The following CCR7 variants were observed in gnomAD, a reference collection of about 807,000 sequenced individuals.
The protein encoded by CCR7 is C-C motif chemokine receptor 7.
Under a neutral mutation model 26.0 loss-of-function variants are expected in CCR7, and 11 were observed. The observed-to-expected ratio is 0.42, with a 90% CI of 0.27 to 0.70. The LOEUF is 0.70. Ranked by LOEUF, CCR7 falls within the 30% of genes least tolerant of loss-of-function variation. The pLI is 0.23. For missense variants in CCR7, 360 were observed against 504.0 expected, an observed-to-expected ratio of 0.71 and a Z score of 2.74; for synonymous variants, 189 against 202.1, an observed-to-expected ratio of 0.94 and a Z score of 0.55.
At chr17:40,564,912 T>G (rs1412641787) in intron 1 of CCR7, among the ~76,000 whole-genome samples, 7 of 152,160 alleles carry the variant, frequency 4.6e-5, no homozygotes, top group Non-Finnish European at 1.5e-5. Context: ...CATTTGCATC[T>G]CCTCATGACC....
At chr17:40,557,317 C>T (rs557893227) in intron 2 of CCR7, among the ~76,000 whole-genome samples, 4 of 152,324 alleles carry the variant, frequency 2.6e-5, no homozygotes, top group South Asian at 2.1e-4. Flanking sequence ...ACCTGCCTCA[C>T]GAGGCTCATG....
chr17:40,563,658 C>T (rs1324510903), intron 1 of CCR7, among the ~76,000 whole-genome samples: 2 of 152,126 alleles, frequency 1.3e-5, no homozygotes, highest in Non-Finnish European at 2.9e-5. Flanking sequence ...AGCTTGTCAG[C>T]GGCTTCCCCT....
rs1158533158 is a variant in CCR7 at position 40,555,540 on chromosome 17, G to A, written c.339C>T (p.Phe113=). The change falls in exon 3 of 3, where the codon TTC becomes TTT. Residue 113 remains phenylalanine (F), a synonymous_variant. Transcript: ENST00000246657. This position sits in a 1 kb window ranked among gnomAD's most constrained non-coding sequence, Gnocchi z 5.6. ...ADILFLLTLP[F]WAYSAAKSWV... The stretch of plus-strand genomic sequence containing the variant: ...AGGACTTGGCCGCGCTGTAGGCCCA[G>A]AAGGGAAGGGTCAGGAGGAAGAGGA... The A allele has an allele frequency of 6.2e-7, 1 of 1,614,142 alleles. No homozygotes were observed. The highest frequency in any genetic ancestry group is 1.1e-5 in the South Asian group (1 of 91,072).
chr17:40,555,492 G>A lies in CCR7; in HGVS notation c.387C>T (p.Cys129=), dbSNP rs755221751. ...AKSWVFGVHF[C]KLIFAIYKMS... ...TCTTGTAGATGGCAAAGATGAGCTT[G>A]CAAAAGTGGACACCGAAGACCCAGG... Residue 129 remains cysteine (C), a synonymous_variant, in exon 3 of 3, where the codon TGC becomes TGT. Coordinates refer to ENST00000246657, the MANE Select transcript of CCR7 (RefSeq NM_001838.4). This position sits in a 1 kb window ranked among gnomAD's most constrained non-coding sequence, Gnocchi z 5.6. 1 of 1,614,026 alleles carries A rather than the reference G, an allele frequency of 6.2e-7. No homozygotes were observed. Among genetic ancestry groups the A allele is most frequent in the Non-Finnish European group, 8.5e-7 (1 of 1,180,032 alleles).
intron 1 of CCR7, among the ~76,000 whole-genome samples, chr17:40,561,907 G>A (rs1190380138): frequency 6.6e-6 from 1 of 152,148 alleles, no homozygotes; most frequent in African/African-American, 2.4e-5. Flanking sequence ...GAGCCTGGTA[G>A]ACCTTGCATT....
chr17:40,564,277 TCA>T (rs1410841050), intron 1 of CCR7, among the ~76,000 whole-genome samples: 2 of 152,218 alleles, frequency 1.3e-5, no homozygotes, highest in Non-Finnish European at 2.9e-5. Flanking sequence ...TTTCAGGAGT[TCA>T]CAGTCAGTGG....
In CCR7 at chr17:40,555,780, GAT is replaced by G. The variant is rs2036580731; in HGVS notation, c.97_98del (p.Ile33ArgfsTer24). ...TGTAGTCCACTGTGGTGTTGTCTCC[GAT>G]GTAATCGTCCGTGACCTCATCTTGA... ...LCQDEVTDDY[I>X]GDNTTVDYTL... On this transcript the variant is annotated frameshift_variant, in exon 3 of 3. Transcript: ENST00000246657. LOFTEE classifies it high-confidence loss of function. This position sits in a 1 kb window ranked among gnomAD's most constrained non-coding sequence, Gnocchi z 5.6. The G allele has an allele frequency of 6.2e-7, 1 of 1,613,958 alleles. No homozygotes were observed. The highest frequency in any genetic ancestry group is 1.7e-5 in the Admixed American group (1 of 59,992).
In CCR7 at chr17:40,558,949, G is replaced by C. The variant is rs2036623802; in HGVS notation, c.11-7C>G. ...ACGCTTTTCATTGGTTTCCCTGTAG[G>C]AGACAAGGCGAGAAAGTTATTGCTT... On this transcript the variant is annotated splice_polypyrimidine_tract_variant and splice_region_variant and intron_variant, in intron 1 of 2. Transcript: ENST00000246657. The C allele has an allele frequency of 1.9e-6, 3 of 1,606,936 alleles. No homozygotes were observed. The highest frequency in any genetic ancestry group is 1.7e-4 in the Middle Eastern group (1 of 6,020).
At chr17:40,564,744 G>T (rs1318969532) in intron 1 of CCR7, among the ~76,000 whole-genome samples, 1 of 152,202 alleles carries the variant, frequency 6.6e-6, no homozygotes. Flanking sequence ...CAAGCTGAGT[G>T]CCCCTTGCCA....
chr17:40,556,065 C>T (rs1017181609), intron 2 of CCR7, among the ~76,000 whole-genome samples: 12 of 152,034 alleles, frequency 7.9e-5, no homozygotes, highest in Admixed American at 2.6e-4. Context: ...TGCCACCACA[C>T]CCAGCGAATT....
At chr17:40,564,255 C>G (rs917755661) in intron 1 of CCR7, among the ~76,000 whole-genome samples, 1 of 152,210 alleles carries the variant, frequency 6.6e-6, no homozygotes, top group Non-Finnish European at 1.5e-5. Flanking sequence ...CCTCAAAGCA[C>G]CTGAACCTGC....
chr17:40,561,776 A>C (rs1342595593), intron 1 of CCR7, among the ~76,000 whole-genome samples: 1 of 152,040 alleles, frequency 6.6e-6, no homozygotes, highest in Non-Finnish European at 1.5e-5. Context: ...TCACCTGCCA[A>C]CACAACTTTT....
intron 1 of CCR7, chr17:40,560,615 T>C (rs1423843621): frequency 6.6e-6 from 1 of 152,192 alleles, no homozygotes; most frequent in Non-Finnish European, 1.5e-5. Context: ...GAGCAAATAG[T>C]CCTGCACACT....
intron 2 of CCR7, among the ~76,000 whole-genome samples, chr17:40,557,495 C>G (rs1176211452): frequency 6.6e-6 from 1 of 152,238 alleles, no homozygotes. Context: ...TGTCCAGGAG[C>G]CTTTTCTTTG....
intron 2 of CCR7, 104 bp downstream of exon 2, chr17:40,558,777 CGGGCTTATGTCT>C: frequency 2.4e-6 from 2 of 839,514 alleles, no homozygotes; most frequent in Non-Finnish European, 4.0e-6. Flanking sequence ...GAGTGGCAGG[CGGGCTTATGTCT>C]GGGTCTTGTA....
Position 40,555,168 on chromosome 17 carries a change from C to T in CCR7, c.711G>A (p.Leu237=). The part of the protein sequence containing the change: ...QMVIGFLVPL[L]AMSFCYLVII... Reference sequence around the variant, plus strand: ...TGACAAGGTAACAGAAGCTCATGGCCAGCAGGGGGACCAGAAAGCCGATCA... The same window carrying T: ...TGACAAGGTAACAGAAGCTCATGGCTAGCAGGGGGACCAGAAAGCCGATCA... The change falls in exon 3 of 3, where the codon CTG becomes CTA. Residue 237 remains leucine, a synonymous_variant. Coordinates refer to ENST00000246657, the MANE Select transcript of CCR7 (RefSeq NM_001838.4). The surrounding 1 kb of genome is among the most constrained non-coding windows in gnomAD (Gnocchi z 5.6). 1 of 1,614,142 alleles carries T rather than the reference C, an allele frequency of 6.2e-7. No homozygotes were observed. The highest frequency in any genetic ancestry group is 8.5e-7 in the Non-Finnish European group (1 of 1,180,020).
In CCR7 at chr17:40,554,992, C is replaced by G. The variant is rs140869107; in HGVS notation, c.887G>C (p.Ser296Thr). The G allele has an allele frequency of 6.2e-6, 10 of 1,614,080 alleles. No homozygotes were observed. Among genetic ancestry groups the G allele is most frequent in the South Asian group, 2.2e-5 (2 of 91,086 alleles). The change falls in exon 3 of 3, where the codon AGC becomes ACC. Residue 296 changes from serine to threonine, a missense_variant. Ser to Thr is a moderately conservative substitution (Grantham distance 58). Transcript: ENST00000246657. ...GAGTTGCTTACTGAGCTCACAGGTG[C>G]TACTGGTGATGTTGAAGTTGGCCAC... is the stretch of plus-strand genomic sequence containing the variant. ...QTVANFNITS[S>T]TCELSKQLNI... is the part of the protein sequence containing the mutation.
rs114637702 is a variant in CCR7, at chr17:40,560,379, T to C, written c.11-1437A>G. Among the ~76,000 whole-genome samples, 1,338 of 152,236 alleles carry C rather than the reference T, an allele frequency of 8.8e-3. 17 individuals are homozygous for C. The highest frequency in any genetic ancestry group is 0.031 in the African/African-American group (1,285 of 41,544). On this transcript the variant is annotated intron_variant, in intron 1 of 2. Transcript: ENST00000246657. ...GCCAGGAAATGCGTGGGAACCTGTT[T>C]AAGGCACCTTCTCCTGGAGGCTGGG...
chr17:40,557,667 C>A (rs1024599952), intron 2 of CCR7, among the ~76,000 whole-genome samples: 3 of 152,190 alleles, frequency 2.0e-5, no homozygotes, highest in Non-Finnish European at 2.9e-5. Context: ...GGGGTCTCAG[C>A]CTTCCTGGAG....
Sources: allele counts gnomAD v4.1 joint callset (sites outside exome capture counted in the v4.1 genomes callset), GRCh38; gene constraint gnomAD v4.1.1; non-coding constraint Gnocchi (gnomAD v3.1); transcripts MANE v1.5; gene names NCBI Gene and HGNC (gene_info 2026-07-23, HGNC 2026-07-21).